The following FRMD4A variants were observed in gnomAD, a reference collection of about 807,000 sequenced individuals.
FRMD4A encodes FERM domain-containing protein 4A.
In FRMD4A, 29 loss-of-function variants were observed where a neutral mutation model predicts 129.1. The ratio of observed to expected loss-of-function variants is 0.22; its 90% CI spans 0.17 to 0.31. The LOEUF (loss-of-function observed/expected upper bound fraction) is 0.31, where lower values mean the gene tolerates loss of function less well. Ranked by LOEUF, FRMD4A falls within the 10% of genes least tolerant of loss-of-function variation. The pLI, the probability that FRMD4A is intolerant of heterozygous loss-of-function variation, is 1.00. For missense variants in FRMD4A, 1,272 were observed against 1,375.8 expected, an observed-to-expected ratio of 0.92 and a Z score of 1.19; for synonymous variants, 634 against 571.6, an observed-to-expected ratio of 1.11 and a Z score of -1.56.
At chr10:13,930,057 C>A (rs961729656) in intron 2 of FRMD4A, among the ~76,000 whole-genome samples, 5 of 151,742 alleles carry the variant, frequency 3.3e-5, no homozygotes, top group African/African-American at 1.2e-4. Flanking sequence ...ATTTTCTCTC[C>A]AAGAAAAAAA....
intron 6 of FRMD4A, among the ~76,000 whole-genome samples, chr10:13,767,972 T>C (rs2092339835): frequency 6.6e-6 from 1 of 152,116 alleles, no homozygotes; most frequent in Non-Finnish European, 1.5e-5. Context: ...CTGTGGCCAC[T>C]GGGTGTGTAC....
intron 2 of FRMD4A, among the ~76,000 whole-genome samples, chr10:14,243,963 G>A (rs889140851): frequency 2.0e-5 from 3 of 152,072 alleles, no homozygotes; most frequent in Admixed American, 1.3e-4. Context: ...CTCAACCTGT[G>A]GTCAAAGGCC....
chr10:13,770,854 CCT>C lies in FRMD4A; in HGVS notation c.385-8176_385-8175del. On this transcript the variant is annotated intron_variant, in intron 6 of 24. Transcript: ENST00000357447. ...ACCTGTCTGTCCTTCTCTCATACCCCCTCTGTCCTACAAGGGCATGCTCTAAA... is the reference window on the plus strand; with the variant it reads ...ACCTGTCTGTCCTTCTCTCATACCCCCTGTCCTACAAGGGCATGCTCTAAA... Among the ~76,000 whole-genome samples the C allele has an allele frequency of 2.0e-5, 3 of 152,206 alleles. No homozygotes were observed. In the Middle Eastern group the frequency reaches 0.01, roughly 518 times the overall value.
chr10:13,651,655 A>G (rs1336707669), intron 24 of FRMD4A: 2 of 463,198 alleles, frequency 4.3e-6, no homozygotes, highest in Non-Finnish European at 7.8e-6. Context: ...CCTGGGCAAC[A>G]GAACAAGACT....
rs551671874 is a variant in FRMD4A, at chr10:14,206,244, T to A, written c.45+123814A>T. ...ATAACCCTCTCAACACAAGGCGCACTTTTCTTCTTTCCATCCCAGCAACAA... is the reference window on the plus strand; with the variant it reads ...ATAACCCTCTCAACACAAGGCGCACATTTCTTCTTTCCATCCCAGCAACAA... On this transcript the variant is annotated intron_variant, in intron 2 of 24. Transcript: ENST00000357447. 6.0e-3 allele frequency among the ~76,000 whole-genome samples: 912 copies of A among 152,296 alleles called. 7 individuals are homozygous for A. Among genetic ancestry groups the A allele is most frequent in the Non-Finnish European group, 8.0e-3 (544 of 68,026 alleles).
At position 13,666,066 on chromosome 10, in the gene FRMD4A, G is replaced by A. The variant is rs374886371; in HGVS notation, c.1603+31C>T. On this transcript the variant is annotated intron_variant, in intron 18 of 24. Transcript: ENST00000357447. ...TGGTTGCCGGGGCCCGGGCGTGGGA[G>A]TGGGGTGGGGGCAGCCCGGTTGGCA... is the stretch of plus-strand genomic sequence containing the variant. 6.5e-6 allele frequency: 9 copies of A among 1,383,928 alleles called. 1 individual carries two copies. In the East Asian group the frequency reaches 1.4e-4, roughly 21 times the overall value. The allele number at this position is 1,383,928 out of a possible 1,614,324, so 85.7% of individuals were successfully genotyped here. A position where few individuals can be genotyped will look rare whatever the true frequency, so the allele number is the denominator to read the frequency against.
intron 15 of FRMD4A, chr10:13,693,639 T>G (rs2085931423): frequency 4.5e-6 from 3 of 659,972 alleles, no homozygotes; most frequent in Non-Finnish European, 7.4e-6. Context: ...TGAAGACACT[T>G]AAGTGTGACC....
intron 5 of FRMD4A, 47 bp downstream of exon 5, chr10:13,796,449 G>A: frequency 1.1e-6 from 1 of 929,398 alleles, no homozygotes; most frequent in Non-Finnish European, 1.8e-6. Context: ...AGACTTCCCT[G>A]ATAAAGAACA....
intron 15 of FRMD4A, chr10:13,684,618 C>A: frequency 1.0e-6 from 1 of 985,412 alleles, no homozygotes; most frequent in Non-Finnish European, 1.2e-6. Flanking sequence ...TCAGAAGACC[C>A]TGGGCGACTC....
chr10:13,897,505 T>A (rs1192139057), intron 2 of FRMD4A, among the ~76,000 whole-genome samples: 2 of 152,074 alleles, frequency 1.3e-5, no homozygotes, highest in Non-Finnish European at 2.9e-5. Context: ...AGAGAGAACA[T>A]CTGTACATGA....
chr10:13,912,986 C>A (rs552034132), intron 2 of FRMD4A, among the ~76,000 whole-genome samples: 13 of 151,052 alleles, frequency 8.6e-5, no homozygotes, highest in Admixed American at 5.3e-4. Flanking sequence ...GGCAGGAGAA[C>A]CTCTTGAACT....
intron 2 of FRMD4A, among the ~76,000 whole-genome samples, chr10:14,184,078 A>G (rs1260746844): frequency 6.6e-6 from 1 of 151,330 alleles, no homozygotes; most frequent in East Asian, 1.9e-4. Flanking sequence ...TAGATCACCA[A>G]GCGCTTACAT....
intron 12 of FRMD4A, among the ~76,000 whole-genome samples, chr10:13,736,858 C>A (rs953422405): frequency 6.6e-6 from 1 of 152,150 alleles, no homozygotes; most frequent in African/African-American, 2.4e-5. Flanking sequence ...AGATATGTTT[C>A]CATTATAATT....
chr10:13,822,203 G>A (rs915454301), intron 3 of FRMD4A, among the ~76,000 whole-genome samples: 2 of 152,140 alleles, frequency 1.3e-5, no homozygotes, highest in Non-Finnish European at 2.9e-5. Flanking sequence ...TCATACTTAC[G>A]ATTTTTGTAG....
intron 2 of FRMD4A, among the ~76,000 whole-genome samples, chr10:14,168,452 A>T (rs1161561661): frequency 6.6e-6 from 1 of 152,224 alleles, no homozygotes; most frequent in Non-Finnish European, 1.5e-5. Context: ...CTTTATTGTC[A>T]TGAGAGTTGA....
At position 13,701,563 on chromosome 10, in the gene FRMD4A, C is replaced by T. The variant is rs990255824; in HGVS notation, c.837-85G>A. 5.3e-6 allele frequency: 7 copies of T among 1,315,822 alleles called. No individual in the cohort carries two copies. The Admixed American group carries it at 5.6e-5, about 11-fold the overall frequency. 81.5% of individuals were successfully genotyped at this position (1,315,822 alleles called of 1,614,324 possible). ...GTCAACAGCTTCTGTAGAGAACCCA[C>T]TGCGTCCTAGAAGCCCTGGCGTAAA... On this transcript the variant is annotated intron_variant, in intron 13 of 24. Coordinates refer to ENST00000357447, the MANE Select transcript of FRMD4A (RefSeq NM_018027.5).
chr10:14,165,253 T>C (rs377245010), intron 2 of FRMD4A, among the ~76,000 whole-genome samples: 1 of 152,044 alleles, frequency 6.6e-6, no homozygotes, highest in East Asian at 1.9e-4. Context: ...CCAACAAGCA[T>C]ATGAAAAAAT....
At chr10:13,827,270 C>T (rs574794194) in intron 3 of FRMD4A, among the ~76,000 whole-genome samples, 1 of 152,270 alleles carries the variant, frequency 6.6e-6, no homozygotes, top group Non-Finnish European at 1.5e-5. Flanking sequence ...AACACAGTTT[C>T]AGAGAAAACC....
intron 15 of FRMD4A, chr10:13,693,551 C>T (rs879220926): frequency 2.2e-5 from 26 of 1,196,776 alleles, no homozygotes; most frequent in Admixed American, 7.4e-5. Context: ...GGCACATGAG[C>T]GGATTCCACT....
Sources: gnomAD v4.1 joint callset for allele counts (sites outside exome capture counted in the v4.1 genomes callset) on GRCh38, gnomAD v4.1.1 for gene constraint, MANE v1.5 for transcripts, NCBI Gene and HGNC (gene_info 2026-07-23, HGNC 2026-07-21) for gene names.